The following SEL1L3 variants were observed in gnomAD, a reference collection of about 807,000 sequenced individuals.
The protein encoded by SEL1L3 is protein sel-1 homolog 3.
In SEL1L3, 76 loss-of-function variants were observed where a neutral mutation model predicts 142.8. That is an observed-to-expected ratio of 0.53 (90% CI 0.44 to 0.64). SEL1L3 has a LOEUF of 0.64. Among genes scored for constraint, SEL1L3 ranks in the 30% least tolerant of loss-of-function variants. The probability of loss-of-function intolerance (pLI) is 0.00; values close to 1 mark genes in which losing one functional copy is unlikely to be tolerated. For synonymous variants in SEL1L3, 504 were observed against 519.6 expected (o/e 0.97, Z 0.41); for missense variants, 1,262 against 1,381.7 (o/e 0.91, Z 1.37).
rs965467252 is a variant in SEL1L3, at chr4:25,756,046, C to T, written c.3259+1488G>A. Reference sequence around the variant, plus strand: ...CAGGTAAATCAGAGAGAAATGATTTCGCATTAGCTTCTTGCAACAGTGACT... The same window carrying T: ...CAGGTAAATCAGAGAGAAATGATTTTGCATTAGCTTCTTGCAACAGTGACT... On this transcript the variant is annotated intron_variant, in intron 23 of 23. Coordinates refer to ENST00000399878, the MANE Select transcript of SEL1L3 (RefSeq NM_015187.5). 10 of 985,350 alleles carry T rather than the reference C, an allele frequency of 1.0e-5. No homozygotes were observed. The South Asian group carries it at 2.8e-4, about 28-fold the overall frequency. 61.0% of individuals were successfully genotyped at this position (985,350 alleles called of 1,614,324 possible). A position where few individuals can be genotyped will look rare whatever the true frequency, so the allele number is the denominator to read the frequency against.
chr4:25,808,384 C>T (rs1577637213), intron 9 of SEL1L3, among the ~76,000 whole-genome samples: 1 of 152,076 alleles, frequency 6.6e-6, no homozygotes, highest in African/African-American at 2.4e-5. Context: ...CCCTTTTTCA[C>T]AGTAATATCA....
At chr4:25,828,055 C>T (rs1035630549) in intron 6 of SEL1L3, among the ~76,000 whole-genome samples, 10 of 152,216 alleles carry the variant, frequency 6.6e-5, no homozygotes, top group Non-Finnish European at 1.0e-4. Flanking sequence ...ATGTGTTGAA[C>T]GCCTTCTGGC....
chr4:25,756,548 G>T, intron 23 of SEL1L3: 1 of 951,274 alleles, frequency 1.1e-6, no homozygotes, highest in Non-Finnish European at 1.3e-6. Context: ...TAACCTCATT[G>T]TATTGATGAG....
At chr4:25,854,023 G>A (rs28409306) in intron 1 of SEL1L3, among the ~76,000 whole-genome samples, 15,409 of 152,044 alleles carry the variant, frequency 0.1, 2,646 homozygotes, top group African/African-American at 0.35. Flanking sequence ...GATATATGTG[G>A]CTTGAAATTT....
At chr4:25,863,482 T>C (rs551388206), upstream of SEL1L3, 524 of 702,876 alleles carry the variant, frequency 7.5e-4, 10 homozygotes, top group South Asian at 7.4e-3. Context: ...AATGGGTTTT[T>C]GTCTGGTTGC....
intron 11 of SEL1L3, among the ~76,000 whole-genome samples, chr4:25,799,277 G>T (rs1713013021): frequency 6.6e-6 from 1 of 152,062 alleles, no homozygotes; most frequent in South Asian, 2.1e-4. Context: ...GTCTCACTAT[G>T]TTGCCCAGAC....
chr4:25,782,087 C>T (rs1322570574), intron 15 of SEL1L3, among the ~76,000 whole-genome samples, 155 bp downstream of exon 15: 1 of 152,236 alleles, frequency 6.6e-6, no homozygotes, highest in East Asian at 1.9e-4. Flanking sequence ...CCACCCTTTC[C>T]TCTTCACTAT....
At chr4:25,738,532 C>G in the SEL1L3 span, among the ~76,000 whole-genome samples, 6 of 152,158 alleles carry the variant, frequency 3.9e-5, no homozygotes, top group South Asian at 1.0e-3. Flanking sequence ...ACAGTGAAAG[C>G]AAAAGTGCAA....
chr4:25,715,805 GAA>G, the SEL1L3 span, among the ~76,000 whole-genome samples: 17,450 of 150,816 alleles, frequency 0.12, 1,078 homozygotes, highest in Middle Eastern at 0.2. Context: ...AGTAAAGGAA[GAA>G]AAAAAAACCC....
chr4:25,803,949 T>C (rs1383430649), intron 10 of SEL1L3, among the ~76,000 whole-genome samples: 1 of 152,166 alleles, frequency 6.6e-6, no homozygotes, highest in East Asian at 1.9e-4. Context: ...GCCTCCATAA[T>C]TGCATGAGCC....
intron 6 of SEL1L3, among the ~76,000 whole-genome samples, chr4:25,828,666 T>C (rs1715247014): frequency 6.6e-6 from 1 of 152,164 alleles, no homozygotes; most frequent in South Asian, 2.1e-4. Flanking sequence ...ATTACAGGTG[T>C]GAACCACCTG....
At chr4:25,796,449 A>G (rs1190098715) in intron 11 of SEL1L3, among the ~76,000 whole-genome samples, 5 of 151,592 alleles carry the variant, frequency 3.3e-5, no homozygotes, top group African/African-American at 9.7e-5. Flanking sequence ...AAAAAAAAAT[A>G]TGTGTGTGTG....
rs1719835530 is a variant in SEL1L3 at position 25,779,158 on chromosome 4, T to C, written c.2503A>G (p.Met835Val). Residue 835 changes from methionine (M) to valine (V), a missense_variant, in exon 16 of 24, where the codon ATG becomes GTG. This residue lies in a region of SEL1L3 where 435 missense variants were observed against 559.2 expected (regional missense o/e 0.78). Coordinates refer to ENST00000399878, the MANE Select transcript of SEL1L3 (RefSeq NM_015187.5). The stretch of plus-strand genomic sequence containing the variant: ...AGAGAACACCACAAGGTCCCTTCCA[T>C]GTGTCCACCTTGCGCAGCCTTATGG... ...YFHKAAQGGH[M>V]EGTLWCSLYY... The C allele has an allele frequency of 6.2e-7, 1 of 1,613,708 alleles. No individual in the cohort carries two copies.
At chr4:25,791,695 C>T (rs936256167) in intron 11 of SEL1L3, among the ~76,000 whole-genome samples, 1 of 152,174 alleles carries the variant, frequency 6.6e-6, no homozygotes, top group Non-Finnish European at 1.5e-5. Flanking sequence ...AGGAGGATCA[C>T]TTGAGGTCAG....
Position 25,794,251 on chromosome 4 carries a change from A to G in SEL1L3, c.1957-3677T>C, listed in dbSNP as rs199854118. On this transcript the variant is annotated intron_variant, in intron 11 of 23. Transcript: ENST00000399878. ...GCAAACAACAAACCTACAGAATGGGAAAACATTTTTGCAACTTACCCATCT... is the reference window on the plus strand; with the variant it reads ...GCAAACAACAAACCTACAGAATGGGGAAACATTTTTGCAACTTACCCATCT... Among the ~76,000 whole-genome samples the G allele has an allele frequency of 3.0e-4, 45 of 152,370 alleles. 1 individual carries two copies. In the East Asian group the frequency reaches 8.7e-3, roughly 29 times the overall value.
At chr4:25,834,837 C>G (rs1038372468) in intron 3 of SEL1L3, among the ~76,000 whole-genome samples, 3 of 152,172 alleles carry the variant, frequency 2.0e-5, no homozygotes. Context: ...TGTGAGATTT[C>G]AAACAGCTCG....
At chr4:25,766,384 G>C (rs983204256) in intron 19 of SEL1L3, among the ~76,000 whole-genome samples, 5 of 149,030 alleles carry the variant, frequency 3.4e-5, no homozygotes, top group Non-Finnish European at 7.4e-5. Context: ...AGGTTGCAGT[G>C]AGCCGAGATA....
chr4:25,770,021 G>A (rs1449392180), intron 17 of SEL1L3, among the ~76,000 whole-genome samples: 1 of 152,112 alleles, frequency 6.6e-6, no homozygotes, highest in African/African-American at 2.4e-5. Flanking sequence ...CCAGCCACTC[G>A]GGAGGCTGAA....
At chr4:25,784,385 A>G in intron 13 of SEL1L3, 95 bp from the exon 14 acceptor site, 1 of 983,562 alleles carries the variant, frequency 1.0e-6, no homozygotes, top group Non-Finnish European at 1.6e-6. Flanking sequence ...ACTTAAAAAT[A>G]AAACCCTAAC....
Sources: allele counts gnomAD v4.1 joint callset (sites outside exome capture counted in the v4.1 genomes callset), GRCh38; gene constraint gnomAD v4.1.1; regional missense constraint gnomAD v4.1.1; transcripts MANE v1.5; gene names NCBI Gene and HGNC (gene_info 2026-07-23, HGNC 2026-07-21).